CCDC124: variants seen among roughly 807,000 people sequenced by gnomAD.
The protein encoded by CCDC124 is coiled-coil domain-containing protein 124.
Under a neutral mutation model 19.8 loss-of-function variants are expected in CCDC124, and 9 were observed. That is an observed-to-expected ratio of 0.45 (90% CI 0.27 to 0.79). The LOEUF is 0.79. Among genes scored for constraint, CCDC124 ranks in the 30% least tolerant of loss-of-function variants. CCDC124 has a pLI of 0.14. For missense variants in CCDC124, 285 were observed against 319.0 expected (o/e 0.89, Z 0.81); for synonymous variants, 126 against 131.3 (o/e 0.96, Z 0.27).
chr19:17,934,289 A>G lies in CCDC124; in HGVS notation c.-12+1241A>G, dbSNP rs1398017576. Among the ~76,000 whole-genome samples the G allele has an allele frequency of 4.7e-5, 7 of 149,328 alleles. No individual in the cohort carries two copies. The South Asian group carries it at 1.0e-3, about 22-fold the overall frequency. Reference sequence around the variant, plus strand: ...TAATCCTAGCTGCTTGGGAGGCTGAAACAGGAGAATTGCTTGAACCGGGTG... The same window carrying G: ...TAATCCTAGCTGCTTGGGAGGCTGAGACAGGAGAATTGCTTGAACCGGGTG... On this transcript the variant is annotated intron_variant, in intron 1 of 4. Coordinates refer to ENST00000445755, the MANE Select transcript of CCDC124 (RefSeq NM_001136203.2).
In CCDC124 at chr19:17,942,933, GAGA is replaced by G; in HGVS notation, c.349+91_349+93del. The G allele has an allele frequency of 1.4e-6, 2 of 1,417,862 alleles. No individual in the cohort carries two copies. The highest frequency in any genetic ancestry group is 2.6e-4 in the Middle Eastern group (1 of 3,844). 87.8% of individuals were successfully genotyped at this position (1,417,862 alleles called of 1,614,324 possible). A position where few individuals can be genotyped will look rare whatever the true frequency, so the allele number is the denominator to read the frequency against. ...TCCATTAGCCCCCTCCTGGCCCCCA[GAGA>G]AGCTGCCGGGGCTCCACGTGGTGCA... On this transcript the variant is annotated intron_variant, in intron 3 of 4. Transcript: ENST00000445755. The surrounding 1 kb of genome is among the most constrained non-coding windows in gnomAD (Gnocchi z 4.2).
chr19:17,939,575 G>C (rs775008493), intron 2 of CCDC124, among the ~76,000 whole-genome samples: 1 of 151,982 alleles, frequency 6.6e-6, no homozygotes, highest in Non-Finnish European at 1.5e-5. Flanking sequence ...CCCAGATCAC[G>C]TGGCTATGAG....
chr19:17,942,716 C>A lies in CCDC124; in HGVS notation c.220C>A (p.Leu74Met). 1 of 1,553,124 alleles carries A rather than the reference C, an allele frequency of 6.4e-7. No homozygotes were observed. Residue 74 changes from leucine to methionine, a missense_variant, in exon 3 of 5, where the codon CTG becomes ATG. Coordinates refer to ENST00000445755, the MANE Select transcript of CCDC124 (RefSeq NM_001136203.2). This position sits in a 1 kb window ranked among gnomAD's most constrained non-coding sequence, Gnocchi z 4.2. ...ACGTAAGAAGGAGACGCAGCGCCTACTGGAGGAGGAGGACTCCAAGCTCAA... is the reference window on the plus strand; with the variant it reads ...ACGTAAGAAGGAGACGCAGCGCCTAATGGAGGAGGAGGACTCCAAGCTCAA... ...LERKKETQRLLEEEDSKLKGG... is the reference protein window; with the variant it reads ...LERKKETQRLMEEEDSKLKGG...
At position 17,934,407 on chromosome 19, in the gene CCDC124, G is replaced by A. The variant is rs182151026; in HGVS notation, c.-12+1359G>A. Among the ~76,000 whole-genome samples the A allele has an allele frequency of 2.1e-4, 32 of 151,646 alleles. No homozygotes were observed. In the East Asian group the frequency reaches 5.9e-3, roughly 28 times the overall value. On this transcript the variant is annotated intron_variant, in intron 1 of 4. Coordinates refer to ENST00000445755, the MANE Select transcript of CCDC124 (RefSeq NM_001136203.2). ...TCTCAAAACAAAAAAAAGCCCCAAC[G>A]TGGAAACAGCCCAAATGTCTAGCTG...
In CCDC124 at chr19:17,943,610, C is replaced by T; in HGVS notation, c.567C>T (p.Pro189=). 2 of 1,613,016 alleles carry T rather than the reference C, an allele frequency of 1.2e-6. No individual in the cohort carries two copies. The highest frequency in any genetic ancestry group is 1.7e-6 in the Non-Finnish European group (2 of 1,179,958). Residue 189 remains proline, a synonymous_variant, in exon 5 of 5, where the codon CCC becomes CCT. Transcript: ENST00000445755. ...TGCCGCGGCTCAAACAAGAGAACCC[C>T]AACATGCGGCTGTCGCAGCTGAAAC... is the stretch of plus-strand genomic sequence containing the variant. ...AQLPRLKQEN[P]NMRLSQLKQL...
Position 17,942,633 on chromosome 19 carries a change from G to T in CCDC124, c.160-23G>T. 3 of 1,550,630 alleles carry T rather than the reference G, an allele frequency of 1.9e-6. No homozygotes were observed. The South Asian group carries it at 3.6e-5, about 18-fold the overall frequency. On this transcript the variant is annotated intron_variant, in intron 2 of 4. Transcript: ENST00000445755. The surrounding 1 kb of genome is among the most constrained non-coding windows in gnomAD (Gnocchi z 4.2). ...CGCGGGGGTGTGGGGTCTTCTGCCT[G>T]ACCATGCACGCCGCCCCCGCAGGAG...
chr19:17,941,465 T>A (rs2031178394), intron 2 of CCDC124, among the ~76,000 whole-genome samples: 2 of 147,944 alleles, frequency 1.4e-5, no homozygotes, highest in African/African-American at 5.0e-5. Context: ...TGAGCCGAGA[T>A]CGCACCACTG....
chr19:17,942,719 G>C lies in CCDC124; in HGVS notation c.223G>C (p.Glu75Gln), dbSNP rs1158603870. 6 of 1,552,382 alleles carry C rather than the reference G, an allele frequency of 3.9e-6. No homozygotes were observed. The highest frequency in any genetic ancestry group is 2.0e-5 in the Admixed American group (1 of 51,002). Residue 75 changes from glutamate (E) to glutamine (Q), a missense_variant, in exon 3 of 5, where the codon GAG (glutamate) becomes CAG (glutamine). Physicochemically the swap from Glu to Gln is conservative, Grantham distance 29 (BLOSUM62 2). Transcript: ENST00000445755. This position sits in a 1 kb window ranked among gnomAD's most constrained non-coding sequence, Gnocchi z 4.2. ...ERKKETQRLL[E>Q]EEDSKLKGGK... ...TAAGAAGGAGACGCAGCGCCTACTG[G>C]AGGAGGAGGACTCCAAGCTCAAGGG...
intron 2 of CCDC124, among the ~76,000 whole-genome samples, chr19:17,938,647 A>G (rs1260845536): frequency 6.6e-6 from 1 of 152,066 alleles, no homozygotes; most frequent in African/African-American, 2.4e-5. Context: ...ACTGGAGTAC[A>G]GTGGCAGGAT....
At chr19:17,940,041 A>G (rs940222525) in intron 2 of CCDC124, among the ~76,000 whole-genome samples, 1 of 145,962 alleles carries the variant, frequency 6.9e-6, no homozygotes, top group Non-Finnish European at 1.5e-5. Context: ...CAGCCTCCCA[A>G]GTAGCTGGGA....
chr19:17,943,863 G>C lies in CCDC124; in HGVS notation c.*148G>C. On this transcript the variant is annotated 3_prime_UTR_variant, in exon 5 of 5. Transcript: ENST00000445755. ...GCCATGCTCTTATCACCAGCCACCC[G>C]TCCTCCCGCCAGAGGGTCCCTGCCC... The C allele has an allele frequency of 1.4e-6, 1 of 733,390 alleles. No homozygotes were observed. Among genetic ancestry groups the C allele is most frequent in the Non-Finnish European group, 2.2e-6 (1 of 448,634 alleles). The allele number at this position is 733,390 out of a possible 1,614,324, so 45.4% of individuals were successfully genotyped here.
intron 1 of CCDC124, among the ~76,000 whole-genome samples, chr19:17,933,673 C>G (rs993144413): frequency 6.6e-6 from 1 of 152,166 alleles, no homozygotes; most frequent in Non-Finnish European, 1.5e-5. Flanking sequence ...TCCAGCCTAC[C>G]TCCTGCATCC....
intron 2 of CCDC124, among the ~76,000 whole-genome samples, chr19:17,941,070 A>G (rs2031169946): frequency 6.6e-6 from 1 of 151,876 alleles, no homozygotes; most frequent in South Asian, 2.1e-4. Context: ...AACGAAAAAA[A>G]CACAAAAAAC....
At chr19:17,939,872 C>T (rs1165109167) in intron 2 of CCDC124, among the ~76,000 whole-genome samples, 1 of 151,064 alleles carries the variant, frequency 6.6e-6, no homozygotes, top group Admixed American at 6.6e-5. Context: ...ATCCTTCCAC[C>T]TCGGCCTCCC....
At chr19:17,936,635 CATT>C in intron 2 of CCDC124, 56 bp downstream of exon 2, 1 of 1,562,928 alleles carries the variant, frequency 6.4e-7, no homozygotes, top group Non-Finnish European at 8.7e-7. Context: ...GGCCAGTGGT[CATT>C]ATGTCAATGT....
chr19:17,937,835 G>C (rs1445733527), intron 2 of CCDC124, among the ~76,000 whole-genome samples: 2 of 152,144 alleles, frequency 1.3e-5, no homozygotes, highest in Non-Finnish European at 2.9e-5. Context: ...CTGGGTTCAA[G>C]TGATTCTCCT....
intron 2 of CCDC124, among the ~76,000 whole-genome samples, chr19:17,941,401 A>G (rs1262622525): frequency 2.0e-5 from 3 of 151,088 alleles, no homozygotes; most frequent in Non-Finnish European, 4.4e-5. Context: ...AGTCCCAGCT[A>G]TTTGGGAGGC....
Position 17,943,241 on chromosome 19 carries a change from T to TCGGGGGGCG in CCDC124, c.350-19_350-18insGGGGGGCGC. 1 of 736,678 alleles carries TCGGGGGGCG rather than the reference T, an allele frequency of 1.4e-6. No individual in the cohort carries two copies. Among genetic ancestry groups the TCGGGGGGCG allele is most frequent in the Non-Finnish European group, 2.4e-6 (1 of 414,970 alleles). The allele number at this position is 736,678 out of a possible 1,614,324, so 45.6% of individuals were successfully genotyped here. A position where few individuals can be genotyped will look rare whatever the true frequency, so the allele number is the denominator to read the frequency against. ...CTTTGCTTATCTCTCTCTGTCTCTG[T>TCGGGGGGCG]CACCCACCCACCCGCCCAGCCGAGA... On this transcript the variant is annotated intron_variant, in intron 3 of 4. Coordinates refer to ENST00000445755, the MANE Select transcript of CCDC124 (RefSeq NM_001136203.2).
chr19:17,938,633 C>G (rs2031112250), intron 2 of CCDC124, among the ~76,000 whole-genome samples: 1 of 152,094 alleles, frequency 6.6e-6, no homozygotes, highest in Non-Finnish European at 1.5e-5. Context: ...GCTCTGTCAC[C>G]CAGACTGGAG....
Sources: allele counts gnomAD v4.1 joint callset (sites outside exome capture counted in the v4.1 genomes callset), GRCh38; gene constraint gnomAD v4.1.1; non-coding constraint Gnocchi (gnomAD v3.1); transcripts MANE v1.5; gene names NCBI Gene and HGNC (gene_info 2026-07-23, HGNC 2026-07-21).